B3GALT5: variants seen among roughly 807,000 people sequenced by gnomAD.
The protein encoded by B3GALT5 is beta-1,3-galactosyltransferase 5, also known as UDP-Gal:betaGlcNAc beta 1,3-galactosyltransferase, polypeptide 5.
For missense variants in B3GALT5, 328 were observed against 396.6 expected (o/e 0.83, Z 1.47); for synonymous variants, 156 against 158.6 (o/e 0.98, Z 0.12).
intron 1 of B3GALT5, among the ~76,000 whole-genome samples, chr21:39,621,962 C>T (rs913316767): frequency 6.6e-6 from 1 of 151,924 alleles, no homozygotes; most frequent in African/African-American, 2.4e-5. Context: ...GTTTATTGCT[C>T]TTTTTTCGTA....
chr21:39,629,097 T>C (rs2079178924), intron 1 of B3GALT5, among the ~76,000 whole-genome samples: 1 of 152,084 alleles, frequency 6.6e-6, no homozygotes, highest in Admixed American at 6.5e-5. Flanking sequence ...TACTGCAACC[T>C]CTGCCTCCTG....
intron 1 of B3GALT5, among the ~76,000 whole-genome samples, chr21:39,637,089 C>CTAT (rs2079233660): frequency 6.6e-6 from 1 of 152,136 alleles, no homozygotes; most frequent in African/African-American, 2.4e-5. Flanking sequence ...CTATTAGGGC[C>CTAT]GAGCACACGG....
chr21:39,647,845 A>G lies in B3GALT5; in HGVS notation c.-161+1223A>G, dbSNP rs541125320. Among the ~76,000 whole-genome samples, 4 of 152,294 alleles carry G rather than the reference A, an allele frequency of 2.6e-5. No homozygotes were observed. In the East Asian group the frequency reaches 7.7e-4, roughly 29 times the overall value. On this transcript the variant is annotated intron_variant, in intron 2 of 3. Transcript: ENST00000684187. ...GAGAAAGCACTTGTCTTTGTTTTCA[A>G]GGTGTTTTATATGGGGTTAAAGATA... is the stretch of plus-strand genomic sequence containing the variant.
chr21:39,634,738 T>C (rs1048533765), intron 1 of B3GALT5, among the ~76,000 whole-genome samples: 2 of 152,132 alleles, frequency 1.3e-5, no homozygotes, highest in African/African-American at 4.8e-5. Flanking sequence ...GCCTGGAGTC[T>C]GGATGTGGGA....
intron 1 of B3GALT5, among the ~76,000 whole-genome samples, chr21:39,629,060 G>A (rs1308023765): frequency 2.0e-5 from 3 of 151,804 alleles, no homozygotes; most frequent in African/African-American, 7.3e-5. Context: ...CGCCCAGGTT[G>A]GAGTGCAGTG....
chr21:39,659,725 A>G, intron 2 of B3GALT5, 28 bp from the exon 3 acceptor site: 3 of 982,938 alleles, frequency 3.1e-6, no homozygotes, highest in Non-Finnish European at 2.4e-6. Flanking sequence ...GAGTGATTTG[A>G]ATGACACTCT....
rs954365298 is a variant in B3GALT5 at position 39,669,580 on chromosome 21, C to T, written c.*8088C>T. On this transcript the variant is annotated 3_prime_UTR_variant, in exon 4 of 4. Transcript: ENST00000684187. ...ATCCCTTGACAGCTGAATAAAGAAG[C>T]GTTCCAGTGCCTTCTCTGTGGGCAT... 2 of 152,094 alleles carry T rather than the reference C, an allele frequency of 1.3e-5. No individual in the cohort carries two copies. Among genetic ancestry groups the T allele is most frequent in the African/African-American group, 2.4e-5 (1 of 41,400 alleles). The allele number at this position is 152,094 out of a possible 1,614,324, so 9.4% of individuals were successfully genotyped here.
chr21:39,655,217 G>A (rs774144808), intron 2 of B3GALT5, among the ~76,000 whole-genome samples: 15 of 152,342 alleles, frequency 9.8e-5, no homozygotes, highest in Non-Finnish European at 1.5e-4. Context: ...GTTCAAGTCC[G>A]AAGGCAGGAA....
At chr21:39,656,298 A>G (rs1438399074) in intron 2 of B3GALT5, among the ~76,000 whole-genome samples, 2 of 152,160 alleles carry the variant, frequency 1.3e-5, no homozygotes, top group Non-Finnish European at 2.9e-5. Context: ...CCAAGGATAC[A>G]AGACAGTGAT....
chr21:39,613,411 A>G (rs1291454078), intron 1 of B3GALT5, among the ~76,000 whole-genome samples: 1 of 152,180 alleles, frequency 6.6e-6, no homozygotes, highest in Non-Finnish European at 1.5e-5. Flanking sequence ...ATTAAAAAGA[A>G]TGGCCTAATC....
Position 39,670,235 on chromosome 21 carries a change from GTATC to G in B3GALT5, c.*8747_*8750del, listed in dbSNP as rs2079615169. The G allele has an allele frequency of 6.6e-6, 1 of 151,008 alleles. No individual in the cohort carries two copies. The highest frequency in any genetic ancestry group is 2.1e-4 in the South Asian group (1 of 4,820). 9.4% of individuals were successfully genotyped at this position (151,008 alleles called of 1,614,324 possible). ...ACTGTGTGTGTGTGTGTGTGTGTGT[GTATC>G]TATGAGAGAGAGAGAGACAGACAGA... On this transcript the variant is annotated 3_prime_UTR_variant, in exon 4 of 4. Transcript: ENST00000684187.
chr21:39,617,839 CAGA>C (rs1337868219), intron 1 of B3GALT5, among the ~76,000 whole-genome samples: 2 of 152,066 alleles, frequency 1.3e-5, no homozygotes, highest in Non-Finnish European at 2.9e-5. Context: ...CCAGGGAAGC[CAGA>C]AGATCGGATA....
chr21:39,663,320 G>A lies in B3GALT5; in HGVS notation c.*1828G>A, dbSNP rs1387703051. 2 of 152,496 alleles carry A rather than the reference G, an allele frequency of 1.3e-5. No homozygotes were observed. Among genetic ancestry groups the A allele is most frequent in the Non-Finnish European group, 2.9e-5 (2 of 68,218 alleles). 9.4% of individuals were successfully genotyped at this position (152,496 alleles called of 1,614,324 possible). On this transcript the variant is annotated 3_prime_UTR_variant, in exon 4 of 4. Transcript: ENST00000684187. ...TGCTGCCTCTGTGTGACTGGCTTTGGGTCTGGCCTTCACAGCATCAGCTCA... is the reference window on the plus strand; with the variant it reads ...TGCTGCCTCTGTGTGACTGGCTTTGAGTCTGGCCTTCACAGCATCAGCTCA...
At chr21:39,657,624 G>A (rs2079459308) in intron 2 of B3GALT5, 1 of 331,486 alleles carries the variant, frequency 3.0e-6, no homozygotes, top group East Asian at 4.5e-5. Flanking sequence ...CCGTAATCAC[G>A]CTAGCCAATT....
chr21:39,642,262 A>AT lies in B3GALT5; in HGVS notation c.-391-4129dup, dbSNP rs536482761. ...AAGAAAGCAAAGGTCAGCTTCAGAG[A>AT]TGTTCATAAAATAGTGTCCTTTATA... is the stretch of plus-strand genomic sequence containing the variant. On this transcript the variant is annotated intron_variant, in intron 1 of 3. Coordinates refer to ENST00000684187, the MANE Select transcript of B3GALT5 (RefSeq NM_001356336.2). 2.0e-3 allele frequency among the ~76,000 whole-genome samples: 307 copies of AT among 152,334 alleles called. 4 individuals carry two copies. The highest frequency in any genetic ancestry group is 6.7e-3 in the African/African-American group (277 of 41,566).
At chr21:39,650,224 C>T (rs759280678) in intron 2 of B3GALT5, among the ~76,000 whole-genome samples, 26 of 152,198 alleles carry the variant, frequency 1.7e-4, no homozygotes, top group Non-Finnish European at 3.8e-4. Flanking sequence ...GTCACAAGTT[C>T]TACTCCTGTG....
chr21:39,630,789 G>A (rs1037824003), intron 1 of B3GALT5, among the ~76,000 whole-genome samples: 2 of 152,176 alleles, frequency 1.3e-5, no homozygotes, highest in Non-Finnish European at 2.9e-5. Flanking sequence ...ATACTAGAGG[G>A]TGGGGCAGGG....
intron 1 of B3GALT5, among the ~76,000 whole-genome samples, chr21:39,618,778 T>C (rs2079119971): frequency 6.6e-6 from 1 of 152,212 alleles, no homozygotes; most frequent in African/African-American, 2.4e-5. Context: ...TCATTTTTAA[T>C]TTGGTGAAAT....
intron 2 of B3GALT5, among the ~76,000 whole-genome samples, chr21:39,653,723 A>C (rs1363139010): frequency 1.3e-5 from 2 of 152,230 alleles, no homozygotes; most frequent in Non-Finnish European, 2.9e-5. Flanking sequence ...TGTCTCTGCC[A>C]TTCAGTGGGC....
Sources: allele counts gnomAD v4.1 joint callset (sites outside exome capture counted in the v4.1 genomes callset), GRCh38; gene constraint gnomAD v4.1.1; transcripts MANE v1.5; gene names NCBI Gene and HGNC (gene_info 2026-07-23, HGNC 2026-07-21).